Variants in LARGE1 observed in about 807,000 individuals in gnomAD.
LARGE1 encodes xylosyl- and glucuronyltransferase LARGE1.
A neutral mutation model predicts 87.6 loss-of-function variants in LARGE1; 43 were observed. The observed-to-expected ratio is 0.49, with a 90% CI of 0.38 to 0.63. The LOEUF (loss-of-function observed/expected upper bound fraction) is 0.63, where lower values mean the gene tolerates loss of function less well. LARGE1 is among the 30% of genes least tolerant of loss of function. The probability of loss-of-function intolerance (pLI) is 0.00; values close to 1 mark genes in which losing one functional copy is unlikely to be tolerated. For synonymous variants in LARGE1, 434 were observed against 394.6 expected (o/e 1.10, Z -1.18); for missense variants, 802 against 1,000.2 (o/e 0.80, Z 2.67).
rs144453518 is a variant in LARGE1, at chr22:33,492,778, C to G, written c.788-60513G>C. Among the ~76,000 whole-genome samples the G allele has an allele frequency of 3.2e-3, 481 of 152,134 alleles. 2 individuals are homozygous for G. The highest frequency in any genetic ancestry group is 5.1e-3 in the Non-Finnish European group (349 of 67,992). ...AATATGGTTGTGTGCTAACTGAAAA[C>G]AAAACAAAACAAAACATGTTTTAAA... On this transcript the variant is annotated intron_variant, in intron 6 of 14. Transcript: ENST00000397394.
At chr22:33,176,686 G>T (rs745539050) in intron 11 of LARGE1, among the ~76,000 whole-genome samples, 1 of 152,164 alleles carries the variant, frequency 6.6e-6, no homozygotes, top group Non-Finnish European at 1.5e-5. Context: ...TGGAGAAATA[G>T]GAATACTTTT....
chr22:33,217,616 C>T (rs893388338), intron 11 of LARGE1, among the ~76,000 whole-genome samples: 29 of 152,010 alleles, frequency 1.9e-4, no homozygotes, highest in South Asian at 8.3e-4. Context: ...TGCATGGGAA[C>T]GATAAATACT....
At chr22:33,304,939 T>C (rs1239419630) in intron 11 of LARGE1, among the ~76,000 whole-genome samples, 2 of 152,076 alleles carry the variant, frequency 1.3e-5, no homozygotes, top group African/African-American at 4.8e-5. Context: ...CAAGGAACGG[T>C]AAAATAAACA....
At chr22:33,602,182 A>G (rs1454690157) in intron 5 of LARGE1, among the ~76,000 whole-genome samples, 3 of 152,220 alleles carry the variant, frequency 2.0e-5, no homozygotes, top group Non-Finnish European at 4.4e-5. Context: ...GTCCCAAGCC[A>G]TCTGAGAGCT....
At chr22:33,241,713 G>A (rs1926531908) in intron 11 of LARGE1, among the ~76,000 whole-genome samples, 1 of 151,848 alleles carries the variant, frequency 6.6e-6, no homozygotes, top group South Asian at 2.1e-4. Flanking sequence ...TAAAAAGGCA[G>A]GGAATCCTGT....
intron 7 of LARGE1, among the ~76,000 whole-genome samples, chr22:33,410,513 T>C (rs2066272146): frequency 6.6e-6 from 1 of 152,064 alleles, no homozygotes; most frequent in Non-Finnish European, 1.5e-5. Flanking sequence ...TCTTCCCCCT[T>C]TGATGCTCAG....
chr22:33,687,383 TGC>T (rs201647639), intron 2 of LARGE1, among the ~76,000 whole-genome samples: 3 of 138,698 alleles, frequency 2.2e-5, no homozygotes. Flanking sequence ...TTTACCTTGC[TGC>T]TTTTTTTTTT....
chr22:33,777,880 G>T (rs1447408581), intron 1 of LARGE1, among the ~76,000 whole-genome samples: 1 of 152,170 alleles, frequency 6.6e-6, no homozygotes, highest in African/African-American at 2.4e-5. Context: ...TGTTTTGGGG[G>T]GCTTTCCTTG....
intron 6 of LARGE1, among the ~76,000 whole-genome samples, chr22:33,521,721 C>T (rs918590615): frequency 1.3e-5 from 2 of 152,154 alleles, no homozygotes; most frequent in Non-Finnish European, 2.9e-5. Context: ...TTTTTCTACT[C>T]ACATTCTAAT....
At chr22:33,881,713 T>G (rs2064689217) in intron 1 of LARGE1, among the ~76,000 whole-genome samples, 2 of 152,350 alleles carry the variant, frequency 1.3e-5, no homozygotes, top group Admixed American at 6.5e-5. Context: ...AAGACCCACC[T>G]ACAGAGTATA....
rs541559730 is a variant in LARGE1 at position 33,475,424 on chromosome 22, A to T, written c.788-43159T>A. 3.2e-3 allele frequency among the ~76,000 whole-genome samples: 433 copies of T among 135,298 alleles called. 1 individual carries two copies. The highest frequency in any genetic ancestry group is 9.9e-3 in the African/African-American group (360 of 36,224). The allele number at this position is 135,298 out of a possible 152,430, so 88.8% of individuals were successfully genotyped here. ...ACTTGATAATCAGCATCAGTGAGTC[A>T]TATTTATTTATTTATTTATTTATTT... On this transcript the variant is annotated intron_variant, in intron 6 of 14. Coordinates refer to ENST00000397394, the MANE Select transcript of LARGE1 (RefSeq NM_133642.5).
the LARGE1 span, among the ~76,000 whole-genome samples, chr22:33,091,871 T>C: frequency 1.3e-5 from 2 of 152,126 alleles, no homozygotes; most frequent in Non-Finnish European, 2.9e-5. Flanking sequence ...TCAGAAATAG[T>C]CTTCATGTTC....
chr22:33,198,619 G>GTA (rs1568969923), intron 11 of LARGE1, among the ~76,000 whole-genome samples: 3 of 141,158 alleles, frequency 2.1e-5, no homozygotes, highest in Non-Finnish European at 4.6e-5. Flanking sequence ...AACTTTTATA[G>GTA]TATATATATA....
At chr22:33,712,923 C>T (rs185374643) in intron 2 of LARGE1, among the ~76,000 whole-genome samples, 11 of 152,162 alleles carry the variant, frequency 7.2e-5, no homozygotes, top group Admixed American at 3.9e-4. Context: ...TATTTGTCAA[C>T]GGTGAGGACG....
rs114114487 is a variant in LARGE1, at chr22:33,221,287, T to A, written c.1731-54455A>T. ...TCTCTAGCAAGGTCAATTACAAACA[T>A]CGAGGGGAAATGCCTGTGCCGGTTT... is the stretch of plus-strand genomic sequence containing the variant. On this transcript the variant is annotated intron_variant, in intron 11 of 11. Coordinates refer to the LARGE1 transcript ENST00000608642. 1.6e-3 allele frequency among the ~76,000 whole-genome samples: 250 copies of A among 152,204 alleles called. 4 individuals carry two copies. The highest frequency in any genetic ancestry group is 5.8e-3 in the African/African-American group (241 of 41,524).
intron 11 of LARGE1, among the ~76,000 whole-genome samples, chr22:33,193,553 T>G (rs1490441793): frequency 1.3e-5 from 2 of 152,178 alleles, no homozygotes; most frequent in East Asian, 1.9e-4. Context: ...GGCTCATGCC[T>G]GTAATCCCAG....
intron 1 of LARGE1, among the ~76,000 whole-genome samples, chr22:33,778,698 T>C (rs761843574): frequency 2.0e-5 from 3 of 152,144 alleles, no homozygotes; most frequent in Non-Finnish European, 4.4e-5. Flanking sequence ...TCGCCCAGAC[T>C]GGAGTGCAGT....
chr22:33,728,268 G>C (rs1219427651), intron 2 of LARGE1, among the ~76,000 whole-genome samples: 1 of 152,080 alleles, frequency 6.6e-6, no homozygotes, highest in East Asian at 1.9e-4. Context: ...GCCAGGCTCA[G>C]TGGCTCACTC....
intron 5 of LARGE1, among the ~76,000 whole-genome samples, chr22:33,575,772 G>T (rs1198746376): frequency 6.6e-6 from 1 of 152,146 alleles, no homozygotes; most frequent in Non-Finnish European, 1.5e-5. Flanking sequence ...TGACAAAGGA[G>T]AAGTGAACCA....
Sources: gnomAD v4.1 joint callset for allele counts (sites outside exome capture counted in the v4.1 genomes callset) on GRCh38, gnomAD v4.1.1 for gene constraint, MANE v1.5 for transcripts, NCBI Gene and HGNC (gene_info 2026-07-23, HGNC 2026-07-21) for gene names.